Variants in GPC5 observed in about 807,000 individuals in gnomAD.
GPC5 encodes glypican-5.
GPC5 carries 47 observed loss-of-function variants against 53.9 expected under a neutral mutation model. The observed-to-expected ratio is 0.87, with a 90% CI of 0.69 to 1.11. The LOEUF is 1.11. GPC5 is among the 50% of genes most tolerant of loss of function. The pLI, the probability that GPC5 is intolerant of heterozygous loss-of-function variation, is 0.00. For missense variants in GPC5, 748 were observed against 713.1 expected (o/e 1.05, Z -0.56); for synonymous variants, 286 against 263.3 (o/e 1.09, Z -0.84).
chr13:91,885,519 C>T (rs1219054673), intron 5 of GPC5, among the ~76,000 whole-genome samples: 3 of 152,120 alleles, frequency 2.0e-5, no homozygotes, highest in Non-Finnish European at 4.4e-5. Context: ...ATCTCATTGC[C>T]CTTGCATCTT....
At chr13:92,837,553 G>C (rs1878259939) in intron 7 of GPC5, among the ~76,000 whole-genome samples, 1 of 152,160 alleles carries the variant, frequency 6.6e-6, no homozygotes, top group Non-Finnish European at 1.5e-5. Flanking sequence ...TGTGGGGAAA[G>C]AAAATCCAGA....
At chr13:91,474,906 T>C (rs1338977893) in intron 2 of GPC5, among the ~76,000 whole-genome samples, 4 of 152,326 alleles carry the variant, frequency 2.6e-5, no homozygotes, top group South Asian at 2.1e-4. Context: ...TTAAAGTATA[T>C]AGCATTTAAG....
chr13:91,874,048 A>T, intron 5 of GPC5, among the ~76,000 whole-genome samples: 1 of 152,146 alleles, frequency 6.6e-6, no homozygotes, highest in Non-Finnish European at 1.5e-5. Flanking sequence ...CCATATCTCC[A>T]TGTTCTTGTA....
chr13:92,775,201 A>C (rs1690012573), intron 7 of GPC5, among the ~76,000 whole-genome samples: 2 of 152,220 alleles, frequency 1.3e-5, no homozygotes, highest in Non-Finnish European at 2.9e-5. Flanking sequence ...AATAAGCTTC[A>C]CTATTAAGTG....
At chr13:91,713,200 AG>A (rs2139918307) in intron 3 of GPC5, among the ~76,000 whole-genome samples, 1 of 151,366 alleles carries the variant, frequency 6.6e-6, no homozygotes, top group African/African-American at 2.4e-5. Flanking sequence ...TAAATAAATA[AG>A]TAAATAAATA....
chr13:92,648,336 T>C (rs746017193), intron 7 of GPC5, among the ~76,000 whole-genome samples: 26 of 152,138 alleles, frequency 1.7e-4, no homozygotes, highest in Non-Finnish European at 3.4e-4. Flanking sequence ...TCTATTCTTT[T>C]GGAGTTATTT....
At chr13:92,101,694 A>G (rs1055342062) in intron 6 of GPC5, among the ~76,000 whole-genome samples, 2 of 152,230 alleles carry the variant, frequency 1.3e-5, no homozygotes, top group Non-Finnish European at 2.9e-5. Context: ...ATCAATAATT[A>G]CAGCCTAGAT....
At chr13:91,400,646 T>C (rs1876866823) in intron 1 of GPC5, among the ~76,000 whole-genome samples, 1 of 152,182 alleles carries the variant, frequency 6.6e-6, no homozygotes, top group Non-Finnish European at 1.5e-5. Context: ...AATTATTAGA[T>C]TTTTAGTCCC....
At chr13:92,175,899 G>A (rs192983210) in intron 7 of GPC5, among the ~76,000 whole-genome samples, 1 of 152,202 alleles carries the variant, frequency 6.6e-6, no homozygotes, top group Admixed American at 6.5e-5. Flanking sequence ...TCCTCATATA[G>A]AAGAATCTCA....
intron 7 of GPC5, among the ~76,000 whole-genome samples, chr13:92,191,614 C>G (rs2042223379): frequency 6.6e-6 from 1 of 152,048 alleles, no homozygotes; most frequent in African/African-American, 2.4e-5. Flanking sequence ...TGGAAGCAAC[C>G]AAGTTGCCAT....
chr13:92,706,617 T>C lies in GPC5; in HGVS notation c.1562-159665T>C, dbSNP rs116296920. On this transcript the variant is annotated intron_variant, in intron 7 of 7. Transcript: ENST00000377067. ...ACAGCCCTTACTCTGCCTGCTCCTG[T>C]ATATTCTAGTCAAGAGAGTTGAAAT... Among the ~76,000 whole-genome samples the C allele has an allele frequency of 8.7e-3, 1,328 of 152,244 alleles. 20 individuals carry two copies. Among genetic ancestry groups the C allele is most frequent in the African/African-American group, 0.03 (1,260 of 41,556 alleles).
Position 92,560,021 on chromosome 13 carries a change from G to A in GPC5, c.1562-306261G>A, listed in dbSNP as rs1308323532. On this transcript the variant is annotated intron_variant, in intron 7 of 7. Coordinates refer to ENST00000377067, the MANE Select transcript of GPC5 (RefSeq NM_004466.6). ...CTACTCCCTTTTTCCACAGGGTATC[G>A]CTTTTTAGCAGGGATTCCTGGCCTT... is the stretch of plus-strand genomic sequence containing the variant. Among the ~76,000 whole-genome samples the A allele has an allele frequency of 2.0e-5, 3 of 151,624 alleles. No homozygotes were observed. The East Asian group carries it at 5.9e-4, about 30-fold the overall frequency.
At chr13:91,414,776 G>A (rs1368244133) in intron 1 of GPC5, among the ~76,000 whole-genome samples, 1 of 152,170 alleles carries the variant, frequency 6.6e-6, no homozygotes, top group East Asian at 1.9e-4. Flanking sequence ...TCTTGGTCAT[G>A]AGTTTAAAAA....
intron 7 of GPC5, among the ~76,000 whole-genome samples, chr13:92,222,621 C>T (rs931230817): frequency 3.3e-5 from 5 of 152,056 alleles, no homozygotes; most frequent in Non-Finnish European, 5.9e-5. Context: ...CTTTGTGTCT[C>T]CACCTTTGTT....
At chr13:92,452,578 C>A (rs28445601) in intron 7 of GPC5, among the ~76,000 whole-genome samples, 1 of 150,314 alleles carries the variant, frequency 6.7e-6, no homozygotes, top group Non-Finnish European at 1.5e-5. Flanking sequence ...CCAAAAAAAA[C>A]AAAAAAAACA....
chr13:92,613,373 A>G (rs1167109969), intron 7 of GPC5, among the ~76,000 whole-genome samples: 1 of 82,846 alleles, frequency 1.2e-5, no homozygotes, highest in Non-Finnish European at 2.1e-5. Context: ...ATTTATATAT[A>G]AATATATTAT....
chr13:91,926,012 G>A (rs188767530), intron 6 of GPC5, among the ~76,000 whole-genome samples: 10 of 152,196 alleles, frequency 6.6e-5, no homozygotes, highest in African/African-American at 2.4e-4. Flanking sequence ...CAGGAATATT[G>A]AACGATGGCA....
chr13:92,500,239 T>A (rs901083109), intron 7 of GPC5, among the ~76,000 whole-genome samples: 1 of 152,104 alleles, frequency 6.6e-6, no homozygotes, highest in African/African-American at 2.4e-5. Flanking sequence ...TAACGTACAG[T>A]GACACAGATA....
At chr13:92,038,452 T>C (rs1191685796) in intron 6 of GPC5, among the ~76,000 whole-genome samples, 4 of 151,468 alleles carry the variant, frequency 2.6e-5, no homozygotes, top group Non-Finnish European at 5.9e-5. Context: ...TATAGATCTA[T>C]GTAGTATAGA....
Sources: gnomAD v4.1 joint callset for allele counts (sites outside exome capture counted in the v4.1 genomes callset) on GRCh38, gnomAD v4.1.1 for gene constraint, MANE v1.5 for transcripts, NCBI Gene and HGNC (gene_info 2026-07-23, HGNC 2026-07-21) for gene names.